The following THOC5 variants were observed in gnomAD, a reference collection of about 807,000 sequenced individuals.
THOC5 encodes the protein THO complex subunit 5, also known as Fms-interacting protein.
Under a neutral mutation model 92.9 loss-of-function variants are expected in THOC5, and 43 were observed. The observed-to-expected ratio is 0.46, with a 90% CI of 0.36 to 0.60. The LOEUF (loss-of-function observed/expected upper bound fraction) is 0.60. Ranked by LOEUF, THOC5 falls within the 20% of genes least tolerant of loss-of-function variation. The probability of loss-of-function intolerance (pLI) is 0.00; values close to 1 mark genes in which losing one functional copy is unlikely to be tolerated. For missense variants in THOC5, 659 were observed against 849.4 expected (o/e 0.78, Z 2.79); for synonymous variants, 296 against 320.1 (o/e 0.92, Z 0.80).
At chr22:29,549,180 T>C (rs758197856) in intron 1 of THOC5, 22 bp from the exon 2 acceptor site, 1 of 1,608,886 alleles carries the variant, frequency 6.2e-7, no homozygotes, top group Non-Finnish European at 8.5e-7. Context: ...AGAAAGTTTT[T>C]GAGATTCTTC....
chr22:29,537,677 G>C (rs1161792370), intron 6 of THOC5, among the ~76,000 whole-genome samples: 1 of 152,084 alleles, frequency 6.6e-6, no homozygotes, highest in African/African-American at 2.4e-5. Flanking sequence ...GAATCACGAG[G>C]TCAAGAGGTA....
intron 2 of THOC5, among the ~76,000 whole-genome samples, chr22:29,548,826 T>A (rs1448496610): frequency 3.9e-5 from 6 of 152,182 alleles, no homozygotes; most frequent in Non-Finnish European, 8.8e-5. Context: ...TGGGTAGGTA[T>A]AATCATGTCT....
intron 3 of THOC5, 123 bp downstream of exon 3, chr22:29,544,337 G>C (rs908067819): frequency 2.9e-6 from 3 of 1,042,548 alleles, no homozygotes; most frequent in African/African-American, 3.3e-5. Flanking sequence ...GAGCCCTCAG[G>C]CTCCAATCAC....
At position 29,508,538 on chromosome 22, in the gene THOC5, C is replaced by T. The variant is rs776256544; in HGVS notation, c.1989-18G>A. 2.2e-5 allele frequency: 35 copies of T among 1,607,522 alleles called. No homozygotes were observed. The highest frequency in any genetic ancestry group is 6.6e-5 in the South Asian group (6 of 90,926). On this transcript the variant is annotated intron_variant, in intron 19 of 19. Coordinates refer to ENST00000490103, the MANE Select transcript of THOC5 (RefSeq NM_003678.5). The stretch of plus-strand genomic sequence containing the variant: ...TAGGACCCCTAGAGAAATAGGAGAA[C>T]GGAGTTGTTAATAACACACCTTCTA...
chr22:29,539,207 A>C (rs540688066), intron 6 of THOC5, 123 bp downstream of exon 6: 1 of 1,044,472 alleles, frequency 9.6e-7, no homozygotes, highest in African/African-American at 1.6e-5. Context: ...TGATTTAATC[A>C]TAAAATGGGA....
intron 1 of THOC5, among the ~76,000 whole-genome samples, chr22:29,552,095 T>G (rs930771544): frequency 6.6e-6 from 1 of 152,126 alleles, no homozygotes; most frequent in African/African-American, 2.4e-5. Context: ...TGCTCAATGG[T>G]GCCCAGGCTG....
intron 1 of THOC5, among the ~76,000 whole-genome samples, chr22:29,551,460 C>A (rs972959885): frequency 1.3e-5 from 2 of 151,976 alleles, no homozygotes; most frequent in Non-Finnish European, 2.9e-5. Flanking sequence ...AGTGACTGGG[C>A]CCAACACCAT....
At position 29,511,275 on chromosome 22, in the gene THOC5, C is replaced by A. The variant is rs1569205489; in HGVS notation, c.1819G>T (p.Val607Leu). The A allele has an allele frequency of 1.9e-6, 3 of 1,613,444 alleles. No homozygotes were observed. The highest frequency in any genetic ancestry group is 2.5e-6 in the Non-Finnish European group (3 of 1,179,966). The change falls in exon 19 of 20, where the codon GTG (valine) becomes TTG (leucine). Residue 607 changes from valine to leucine, a missense_variant. Physicochemically the swap from Val to Leu is conservative, Grantham distance 32. Transcript: ENST00000490103. ...NIRAMEGEVN[V>L]CYKELCGPWP... ...GGGCCACACAGCTCCTTGTAGCACA[C>A]ATTGACTTCGCCCTCCATGGCCTGT...
At chr22:29,516,290 A>AT (rs535485764) in intron 17 of THOC5, among the ~76,000 whole-genome samples, 3 of 151,186 alleles carry the variant, frequency 2.0e-5, no homozygotes, top group Admixed American at 6.6e-5. Context: ...TTTCTTCAGA[A>AT]TTTTTTTTTT....
chr22:29,532,022 G>A (rs981727150), intron 7 of THOC5, 59 bp from the exon 8 acceptor site: 135 of 1,584,354 alleles, frequency 8.5e-5, no homozygotes, highest in Non-Finnish European at 1.2e-4. Context: ...ACAGGAAAAA[G>A]TGGCTACTTA....
intron 8 of THOC5, chr22:29,531,287 G>C: frequency 1.0e-6 from 1 of 985,414 alleles, no homozygotes; most frequent in South Asian, 4.7e-5. Context: ...TAGGTGCTGG[G>C]TGAAAGCTGC....
chr22:29,552,981 G>A (rs568740507), intron 1 of THOC5, among the ~76,000 whole-genome samples: 2 of 152,188 alleles, frequency 1.3e-5, no homozygotes, highest in African/African-American at 4.8e-5. Flanking sequence ...TGTCCACTCA[G>A]GGTTAAATGG....
At chr22:29,553,340 G>A (rs1174307028) in intron 1 of THOC5, 1 of 152,910 alleles carries the variant, frequency 6.5e-6, no homozygotes, top group African/African-American at 2.4e-5. Flanking sequence ...CTTAAGTGTG[G>A]GAAATCCTGA....
rs897607124 is a variant in THOC5, at chr22:29,518,890, A to G, written c.1489+116T>C. On this transcript the variant is annotated intron_variant, in intron 15 of 19. Coordinates refer to ENST00000490103, the MANE Select transcript of THOC5 (RefSeq NM_003678.5). ...GCCAAGATGCCCACTCCGTAAAGCC[A>G]GGAATCCAGGTCTTGTATTTGTCAT... 3 of 761,210 alleles carry G rather than the reference A, an allele frequency of 3.9e-6. No homozygotes were observed. The African/African-American group carries it at 5.3e-5, about 13-fold the overall frequency. The allele number at this position is 761,210 out of a possible 1,614,324, so 47.2% of individuals were successfully genotyped here.
At position 29,528,064 on chromosome 22, in the gene THOC5, G is replaced by A; in HGVS notation, c.1066+14C>T. 1.2e-6 allele frequency: 2 copies of A among 1,613,050 alleles called. No homozygotes were observed. Among genetic ancestry groups the A allele is most frequent in the East Asian group, 2.2e-5 (1 of 44,890 alleles). On this transcript the variant is annotated intron_variant, in intron 11 of 19. Coordinates refer to ENST00000490103, the MANE Select transcript of THOC5 (RefSeq NM_003678.5). ...GTGCTACAGATCCCTTAAACAAGGT[G>A]AGTGCAACCAGACCTTTGCACTTCA...
chr22:29,538,605 C>T (rs2063809018), intron 6 of THOC5, among the ~76,000 whole-genome samples: 1 of 151,684 alleles, frequency 6.6e-6, no homozygotes, highest in Non-Finnish European at 1.5e-5. Flanking sequence ...CAAGACCAGC[C>T]TGGGTAACAG....
chr22:29,550,547 A>G (rs1367098555), intron 1 of THOC5, among the ~76,000 whole-genome samples: 3 of 151,424 alleles, frequency 2.0e-5, no homozygotes, highest in African/African-American at 7.3e-5. Context: ...CACAATCATC[A>G]CTCACTGAAG....
Position 29,549,123 on chromosome 22 carries a change from G to A in THOC5, c.25C>T (p.Arg9Trp), listed in dbSNP as rs776121993. 5 of 1,613,970 alleles carry A rather than the reference G, an allele frequency of 3.1e-6. No individual in the cohort carries two copies. Among genetic ancestry groups the A allele is most frequent in the African/African-American group, 1.3e-5 (1 of 74,902 alleles). ...TCGCTTCGGATCACTTTGGGCTTCC[G>A]TTTTTTGCTCGATTCTGATGACATG... Reference protein sequence around the residue: MSSESSKKRKPKVIRSDGA... With the variant: MSSESSKKWKPKVIRSDGA... The change falls in exon 2 of 20, where the codon CGG becomes TGG. Residue 9 changes from arginine to tryptophan, a missense_variant. Physicochemically the swap from Arg to Trp is moderately radical, Grantham distance 101. Transcript: ENST00000490103.
intron 5 of THOC5, among the ~76,000 whole-genome samples, chr22:29,540,781 C>T (rs1601445471): frequency 1.3e-5 from 2 of 152,222 alleles, no homozygotes; most frequent in Non-Finnish European, 2.9e-5. Flanking sequence ...TATCTAACCA[C>T]ATTATACATT....
Sources: gnomAD v4.1 joint callset for allele counts (sites outside exome capture counted in the v4.1 genomes callset) on GRCh38, gnomAD v4.1.1 for gene constraint, MANE v1.5 for transcripts, NCBI Gene and HGNC (gene_info 2026-07-23, HGNC 2026-07-21) for gene names.